Variants in AK8 observed in about 807,000 individuals in gnomAD.
AK8 encodes ATP-AMP transphosphorylase 8.
A neutral mutation model predicts 54.6 loss-of-function variants in AK8; 44 were observed. The ratio of observed to expected loss-of-function variants is 0.81; its 90% CI spans 0.63 to 1.04. AK8 has a LOEUF of 1.04. Ranked by LOEUF, AK8 falls within the 50% of genes least tolerant of loss-of-function variation. The pLI is 0.00. For synonymous variants in AK8, 239 were observed against 245.6 expected (o/e 0.97, Z 0.25); for missense variants, 555 against 613.6 (o/e 0.90, Z 1.01).
chr9:132,774,937 G>T (rs1839145152), intron 11 of AK8, among the ~76,000 whole-genome samples: 1 of 152,216 alleles, frequency 6.6e-6, no homozygotes, highest in East Asian at 1.9e-4. Flanking sequence ...AGGAGGGAAA[G>T]AAATTGAGAT....
intron 12 of AK8, among the ~76,000 whole-genome samples, chr9:132,727,233 T>C (rs1836617281): frequency 6.6e-6 from 1 of 152,164 alleles, no homozygotes; most frequent in Non-Finnish European, 1.5e-5. Context: ...CATTTCACCA[T>C]TGTGTTGCTT....
At chr9:132,809,659 A>C (rs911029359) in intron 10 of AK8, among the ~76,000 whole-genome samples, 4 of 152,192 alleles carry the variant, frequency 2.6e-5, no homozygotes, top group African/African-American at 9.7e-5. Flanking sequence ...CTGGGTTCTC[A>C]GCCACATTAT....
At chr9:132,745,492 C>A (rs894890504) in intron 11 of AK8, among the ~76,000 whole-genome samples, 2 of 152,134 alleles carry the variant, frequency 1.3e-5, no homozygotes, top group African/African-American at 2.4e-5. Context: ...CCGAGCTGGG[C>A]CCCGGCAGAA....
intron 5 of AK8, among the ~76,000 whole-genome samples, chr9:132,853,810 T>TAAAAAAAAAA (rs1843065733): frequency 2.4e-4 from 23 of 94,128 alleles, no homozygotes; most frequent in East Asian, 5.9e-4. Flanking sequence ...AAAAAAAAAG[T>TAAAAAAAAAA]AAACAGAGTG....
At chr9:132,878,762 C>T, upstream of AK8, 2 of 986,018 alleles carry the variant, frequency 2.0e-6, no homozygotes, top group Non-Finnish European at 2.4e-6. This position sits in a 1 kb window ranked among gnomAD's most constrained non-coding sequence, Gnocchi z 4.7. Context: ...AGCCCAACTC[C>T]TAGAGTCGAG....
chr9:132,763,261 T>G (rs1327439511), intron 11 of AK8, among the ~76,000 whole-genome samples: 1 of 152,264 alleles, frequency 6.6e-6, no homozygotes, highest in Admixed American at 6.5e-5. Context: ...GTACCTTTTG[T>G]GACCACAATG....
Position 132,823,086 on chromosome 9 carries a change from G to T in AK8, c.889+119C>A, listed in dbSNP as rs1265506169. The stretch of plus-strand genomic sequence containing the variant: ...GGTTAAGAACAAAGAGCCAGAAAGA[G>T]AAGTGATACTGACCCTTCCCCCCCA... On this transcript the variant is annotated intron_variant, in intron 9 of 12. Transcript: ENST00000298545. 4 of 1,359,538 alleles carry T rather than the reference G, an allele frequency of 2.9e-6. No homozygotes were observed. In the African/African-American group the frequency reaches 4.5e-5, roughly 15 times the overall value. The allele number at this position is 1,359,538 out of a possible 1,614,324, so 84.2% of individuals were successfully genotyped here. A position where few individuals can be genotyped will look rare whatever the true frequency, so the allele number is the denominator to read the frequency against.
chr9:132,852,218 A>G (rs189396826), intron 5 of AK8, among the ~76,000 whole-genome samples: 38 of 152,348 alleles, frequency 2.5e-4, no homozygotes, highest in Middle Eastern at 3.4e-3. Context: ...TCACGCCTGT[A>G]ATCTCAGCAC....
intron 10 of AK8, among the ~76,000 whole-genome samples, chr9:132,812,062 T>C (rs962631090): frequency 1.3e-5 from 2 of 152,098 alleles, no homozygotes; most frequent in East Asian, 3.9e-4. Context: ...GGAATACTAC[T>C]AGCAACCCTT....
intron 11 of AK8, among the ~76,000 whole-genome samples, chr9:132,765,292 C>CAAAAAA (rs61495439): frequency 0.25 from 15,336 of 62,480 alleles, 3,449 homozygotes; most frequent in Non-Finnish European, 0.31. Flanking sequence ...GACTCCATTT[C>CAAAAAA]AAAAAAAAAA....
intron 11 of AK8, among the ~76,000 whole-genome samples, chr9:132,784,277 T>A (rs187467689): frequency 2.1e-4 from 17 of 82,504 alleles, no homozygotes; most frequent in African/African-American, 8.1e-4. Context: ...CCCAGCACTT[T>A]GGGAGGTTGA....
intron 11 of AK8, among the ~76,000 whole-genome samples, chr9:132,753,830 G>T (rs1046018725): frequency 4.6e-5 from 7 of 152,210 alleles, no homozygotes; most frequent in Admixed American, 2.0e-4. Flanking sequence ...GGGACTGCAG[G>T]GAGCATGCAC....
In AK8 at chr9:132,827,309, T is replaced by C. The variant is rs1340986144; in HGVS notation, c.557-255A>G. On this transcript the variant is annotated intron_variant, in intron 7 of 12. Transcript: ENST00000298545. ...GCCGTGAACTTCTGAGCACTTACTCTGTGCCAGCCACTCTGATAGGCACCT... is the reference window on the plus strand; with the variant it reads ...GCCGTGAACTTCTGAGCACTTACTCCGTGCCAGCCACTCTGATAGGCACCT... 1.3e-5 allele frequency: 7 copies of C among 553,884 alleles called. No homozygotes were observed. The Admixed American group carries it at 2.2e-4, about 17-fold the overall frequency. 34.3% of individuals were successfully genotyped at this position (553,884 alleles called of 1,614,324 possible).
At chr9:132,779,255 A>G (rs10736857) in intron 11 of AK8, among the ~76,000 whole-genome samples, 79,141 of 152,206 alleles carry the variant, frequency 0.52, 23,874 homozygotes, top group East Asian at 0.81. Context: ...ATGTGTTTAC[A>G]CTTCTTAACA....
intron 11 of AK8, among the ~76,000 whole-genome samples, chr9:132,762,079 A>G (rs938564523): frequency 3.3e-5 from 5 of 152,184 alleles, no homozygotes; most frequent in African/African-American, 1.2e-4. Flanking sequence ...CATGTTGGCC[A>G]GGCTGGTCTC....
chr9:132,795,337 G>A (rs1293854054), intron 10 of AK8, among the ~76,000 whole-genome samples: 2 of 152,100 alleles, frequency 1.3e-5, no homozygotes, highest in African/African-American at 4.8e-5. Flanking sequence ...TAGACCCCCT[G>A]TACACTCGGG....
chr9:132,823,564 C>T (rs1306798292), intron 8 of AK8, among the ~76,000 whole-genome samples: 4 of 152,184 alleles, frequency 2.6e-5, no homozygotes, highest in Non-Finnish European at 5.9e-5. Context: ...CACCCTGGAG[C>T]GCCGCCCTGG....
intron 9 of AK8, among the ~76,000 whole-genome samples, chr9:132,819,466 CA>C (rs1354211790): frequency 1.1e-4 from 17 of 152,188 alleles, no homozygotes; most frequent in African/African-American, 3.6e-4. Context: ...TTACATGAAG[CA>C]AAAACTTGCA....
rs151216880 is a variant in AK8 at position 132,781,678 on chromosome 9, T to C, written c.1121+10956A>G. On this transcript the variant is annotated intron_variant, in intron 11 of 12. Coordinates refer to ENST00000298545, the MANE Select transcript of AK8 (RefSeq NM_152572.3). The surrounding 1 kb of genome is among the most constrained non-coding windows in gnomAD (Gnocchi z 4.6). ...TTTCTGTATCGTATTCCCAGATTGA[T>C]TTCTAGGCTATAATTCTGTCAAGAT... is the stretch of plus-strand genomic sequence containing the variant. Among the ~76,000 whole-genome samples the C allele has an allele frequency of 2.8e-4, 42 of 152,332 alleles. No individual in the cohort carries two copies. Among genetic ancestry groups the C allele is most frequent in the African/African-American group, 8.7e-4 (36 of 41,564 alleles).
Sources: gnomAD v4.1 joint callset for allele counts (sites outside exome capture counted in the v4.1 genomes callset) on GRCh38, gnomAD v4.1.1 for gene constraint, Gnocchi (gnomAD v3.1) non-coding constraint, MANE v1.5 for transcripts, NCBI Gene and HGNC (gene_info 2026-07-23, HGNC 2026-07-21) for gene names.